The following DNAJC1 variants were observed in gnomAD, a reference collection of about 807,000 sequenced individuals.
The protein encoded by DNAJC1 is dnaJ homolog subfamily C member 1.
A neutral mutation model predicts 76.6 loss-of-function variants in DNAJC1; 58 were observed. That is an observed-to-expected ratio of 0.76 (90% CI 0.61 to 0.94). DNAJC1 has a LOEUF of 0.94. Among genes scored for constraint, DNAJC1 ranks in the 40% least tolerant of loss-of-function variants. The pLI, the probability that DNAJC1 is intolerant of heterozygous loss-of-function variation, is 0.00. For synonymous variants in DNAJC1, 258 were observed against 267.9 expected, an observed-to-expected ratio of 0.96 and a Z score of 0.36; for missense variants, 689 against 677.3, an observed-to-expected ratio of 1.02 and a Z score of -0.19.
intron 8 of DNAJC1, among the ~76,000 whole-genome samples, chr10:21,875,852 G>C (rs1357051957): frequency 6.6e-6 from 1 of 152,130 alleles, no homozygotes; most frequent in Non-Finnish European, 1.5e-5. Context: ...TTGAACCTGG[G>C]AGGCGGAGGT....
At chr10:21,942,280 A>G (rs1405113729) in intron 1 of DNAJC1, among the ~76,000 whole-genome samples, 1 of 152,176 alleles carries the variant, frequency 6.6e-6, no homozygotes, top group Non-Finnish European at 1.5e-5. Flanking sequence ...ATCCACTGAA[A>G]AGTTAAAACA....
chr10:21,953,852 G>GAAAAAAAAAAA (rs930719178), intron 1 of DNAJC1, among the ~76,000 whole-genome samples: 1 of 130,338 alleles, frequency 7.7e-6, no homozygotes, highest in African/African-American at 2.8e-5. Flanking sequence ...AAAAGAAGAG[G>GAAAAAAAAAAA]AAAAAAAAAA....
chr10:21,798,154 G>A (rs969398806), intron 9 of DNAJC1, among the ~76,000 whole-genome samples: 2 of 152,116 alleles, frequency 1.3e-5, no homozygotes, highest in Admixed American at 6.6e-5. Context: ...GCTAATTAAC[G>A]TGCCTTTGTA....
rs1047566210 is a variant in DNAJC1, at chr10:21,759,210, C to A, written c.1556G>T (p.Arg519Leu). ...LQQYPRGSSD[R>L]WDKIARCVPS... ...GACACATCTGGCTATTTTGTCCCAG[C>A]GGTCAGAGGATCCCCTTGGGTACTG... is the stretch of plus-strand genomic sequence containing the variant. The change falls in exon 11 of 12, where the codon CGC becomes CTC. Residue 519 changes from arginine (R) to leucine (L), a missense_variant. Arg to Leu is a moderately radical substitution (Grantham distance 102). Coordinates refer to ENST00000376980, the MANE Select transcript of DNAJC1 (RefSeq NM_022365.4). 2.5e-6 allele frequency: 4 copies of A among 1,614,144 alleles called. No individual in the cohort carries two copies. Among genetic ancestry groups the A allele is most frequent in the East Asian group, 4.5e-5 (2 of 44,878 alleles).
At chr10:21,953,843 A>G (rs1014390555) in intron 1 of DNAJC1, among the ~76,000 whole-genome samples, 1 of 150,036 alleles carries the variant, frequency 6.7e-6, no homozygotes, top group African/African-American at 2.4e-5. Context: ...AAAAAAAAAA[A>G]AAGAAGAGGA....
intron 6 of DNAJC1, among the ~76,000 whole-genome samples, chr10:21,912,629 C>A (rs2666768): frequency 6.6e-6 from 1 of 151,900 alleles, no homozygotes; most frequent in Non-Finnish European, 1.5e-5. Context: ...GTGTGTGTGT[C>A]TGAAAAGTTT....
intron 10 of DNAJC1, 57 bp from the exon 11 acceptor site, chr10:21,759,675 T>G: frequency 6.5e-7 from 1 of 1,542,532 alleles, no homozygotes; most frequent in Non-Finnish European, 8.8e-7. Flanking sequence ...AAGGAGACGG[T>G]GAGAACAGCA....
chr10:21,878,536 T>A (rs1250173326), intron 8 of DNAJC1, among the ~76,000 whole-genome samples: 1 of 152,188 alleles, frequency 6.6e-6, no homozygotes, highest in African/African-American at 2.4e-5. Context: ...TATGATAGGT[T>A]TGTATATATT....
intron 6 of DNAJC1, among the ~76,000 whole-genome samples, chr10:21,909,585 T>C (rs1836819820): frequency 6.6e-6 from 1 of 152,228 alleles, no homozygotes; most frequent in South Asian, 2.1e-4. Flanking sequence ...GTTTGTTGAA[T>C]GAATTACTGG....
intron 9 of DNAJC1, 101 bp downstream of exon 9, chr10:21,805,879 C>A (rs925499544): frequency 6.8e-7 from 1 of 1,477,852 alleles, no homozygotes; most frequent in Non-Finnish European, 9.3e-7. Flanking sequence ...TTGTTGTATC[C>A]CCTCCCCAAA....
At chr10:21,831,894 T>C (rs775328110) in intron 8 of DNAJC1, among the ~76,000 whole-genome samples, 27 of 152,126 alleles carry the variant, frequency 1.8e-4, no homozygotes, top group African/African-American at 3.1e-4. Context: ...TTCTCAAGGA[T>C]TGATACATTT....
intron 1 of DNAJC1, among the ~76,000 whole-genome samples, chr10:22,000,278 C>T: frequency 6.6e-6 from 1 of 152,186 alleles, no homozygotes; most frequent in Non-Finnish European, 1.5e-5. Context: ...GTAACTAATG[C>T]CTCACAGACT....
intron 8 of DNAJC1, among the ~76,000 whole-genome samples, chr10:21,810,896 T>C (rs563439302): frequency 1.1e-4 from 17 of 152,354 alleles, no homozygotes; most frequent in South Asian, 4.1e-4. Flanking sequence ...TTTGGTATTA[T>C]AGATTTGGTG....
chr10:21,772,088 T>C (rs1014236012), intron 9 of DNAJC1, among the ~76,000 whole-genome samples: 3 of 152,134 alleles, frequency 2.0e-5, no homozygotes, highest in Non-Finnish European at 4.4e-5. Context: ...CACACCACCA[T>C]GCCCAGCTTC....
chr10:21,831,405 T>C (rs1447124266), intron 8 of DNAJC1, among the ~76,000 whole-genome samples: 1 of 152,216 alleles, frequency 6.6e-6, no homozygotes, highest in Non-Finnish European at 1.5e-5. Flanking sequence ...TACTCTGGTT[T>C]TGAGCTATTG....
At chr10:21,874,633 C>G (rs1836155938) in intron 8 of DNAJC1, among the ~76,000 whole-genome samples, 1 of 152,120 alleles carries the variant, frequency 6.6e-6, no homozygotes, top group South Asian at 2.1e-4. Flanking sequence ...GAGGGGAGAT[C>G]AGAGAATTGC....
intron 9 of DNAJC1, among the ~76,000 whole-genome samples, chr10:21,800,707 T>C (rs1167896324): frequency 6.6e-6 from 1 of 152,178 alleles, no homozygotes; most frequent in African/African-American, 2.4e-5. Context: ...TATCCATACA[T>C]ATACAGAGAA....
intron 8 of DNAJC1, among the ~76,000 whole-genome samples, chr10:21,849,331 C>T (rs1363071419): frequency 7.6e-6 from 1 of 131,158 alleles, no homozygotes; most frequent in Non-Finnish European, 1.6e-5. Context: ...TAAATGCCTA[C>T]ACTGATAAGA....
chr10:21,979,322 G>A (rs1244475181), intron 1 of DNAJC1, among the ~76,000 whole-genome samples: 1 of 151,902 alleles, frequency 6.6e-6, no homozygotes, highest in African/African-American at 2.4e-5. Context: ...TTTCAAAAGG[G>A]CTCTTATCTG....
Sources: allele counts gnomAD v4.1 joint callset (sites outside exome capture counted in the v4.1 genomes callset), GRCh38; gene constraint gnomAD v4.1.1; transcripts MANE v1.5; gene names NCBI Gene and HGNC (gene_info 2026-07-23, HGNC 2026-07-21).